The following CYP4Z1 variants were observed in gnomAD, a reference collection of about 807,000 sequenced individuals.
The protein encoded by CYP4Z1 is cytochrome P450 family 4 subfamily Z member 1, also known as cytochrome P450 4Z1.
In CYP4Z1, 41 loss-of-function variants were observed where a neutral mutation model predicts 54.2. That is an observed-to-expected ratio of 0.76 (90% CI 0.59 to 0.98). The LOEUF (loss-of-function observed/expected upper bound fraction) is 0.98. CYP4Z1 is among the 50% of genes least tolerant of loss of function. The pLI, the probability that CYP4Z1 is intolerant of heterozygous loss-of-function variation, is 0.00. For missense variants in CYP4Z1, 513 were observed against 599.0 expected (o/e 0.86, Z 1.50); for synonymous variants, 163 against 206.2 (o/e 0.79, Z 1.79).
At chr1:47,066,698 A>G (rs1384698204), upstream of CYP4Z1, among the ~76,000 whole-genome samples, 1 of 152,102 alleles carries the variant, frequency 6.6e-6, no homozygotes, top group African/African-American at 2.4e-5. Context: ...AGGGCATTCA[A>G]ATTGGTAAAA....
intron 9 of CYP4Z1, among the ~76,000 whole-genome samples, chr1:47,108,211 T>C (rs1644770123): frequency 6.6e-6 from 1 of 152,156 alleles, no homozygotes; most frequent in Non-Finnish European, 1.5e-5. Flanking sequence ...CTTTCCTTCC[T>C]GCCCCTCTCA....
At chr1:47,055,641 G>T in the CYP4Z1 span, among the ~76,000 whole-genome samples, 1 of 152,170 alleles carries the variant, frequency 6.6e-6, no homozygotes, top group African/African-American at 2.4e-5. Context: ...TCCTGGTTTA[G>T]TCTTGGGAGG....
At chr1:47,083,582 G>A (rs1644570671) in intron 4 of CYP4Z1, among the ~76,000 whole-genome samples, 1 of 152,192 alleles carries the variant, frequency 6.6e-6, no homozygotes, top group African/African-American at 2.4e-5. Flanking sequence ...GATGGCTTGA[G>A]CCCAGGAGTT....
chr1:47,110,233 G>A (rs993586003), intron 9 of CYP4Z1, among the ~76,000 whole-genome samples: 7 of 149,704 alleles, frequency 4.7e-5, no homozygotes, highest in Admixed American at 1.3e-4. Flanking sequence ...CCAAAAAAAT[G>A]GGTGTTCCAT....
chr1:47,113,959 T>C (rs1195397232), intron 9 of CYP4Z1, among the ~76,000 whole-genome samples: 1 of 152,212 alleles, frequency 6.6e-6, no homozygotes, highest in East Asian at 1.9e-4. Flanking sequence ...AAAGTTCATA[T>C]GGCACCAAAA....
chr1:47,061,949 A>G, the CYP4Z1 span, among the ~76,000 whole-genome samples: 1 of 152,250 alleles, frequency 6.6e-6, no homozygotes, highest in African/African-American at 2.4e-5. Context: ...TTATCTCAAT[A>G]GATGCAGAAA....
At chr1:47,069,515 G>T (rs1156630073) in intron 2 of CYP4Z1, among the ~76,000 whole-genome samples, 2 of 151,738 alleles carry the variant, frequency 1.3e-5, no homozygotes, top group Non-Finnish European at 2.9e-5. Context: ...AATGGTGCAA[G>T]AAATGTCTGG....
chr1:47,096,024 G>A (rs768701926), intron 7 of CYP4Z1, among the ~76,000 whole-genome samples: 2 of 152,254 alleles, frequency 1.3e-5, no homozygotes, highest in South Asian at 2.1e-4. Context: ...TGTGAAACAC[G>A]ACTCTTCCTA....
the CYP4Z1 span, among the ~76,000 whole-genome samples, chr1:47,057,370 A>ATATATATATATATG: frequency 8.7e-6 from 1 of 114,768 alleles, no homozygotes; most frequent in Non-Finnish European, 1.8e-5. Context: ...ATATATATAT[A>ATATATATATATATG]TATATATGTA....
At chr1:47,063,382 C>A (rs1409562347), upstream of CYP4Z1, among the ~76,000 whole-genome samples, 1 of 151,900 alleles carries the variant, frequency 6.6e-6, no homozygotes, top group Non-Finnish European at 1.5e-5. Context: ...TGGATCCAAA[C>A]TAAGACAAAA....
At chr1:47,062,116 A>G in the CYP4Z1 span, among the ~76,000 whole-genome samples, 1 of 152,212 alleles carries the variant, frequency 6.6e-6, no homozygotes, top group Admixed American at 6.5e-5. Flanking sequence ...CTTGAAAACC[A>G]GCACAAGACA....
At chr1:47,073,471 AG>A (rs2148525637) in intron 2 of CYP4Z1, among the ~76,000 whole-genome samples, 2 of 139,962 alleles carry the variant, frequency 1.4e-5, no homozygotes, top group South Asian at 5.1e-4. Context: ...TCAGTCTCCC[AG>A]GTAGCTGGGA....
chr1:47,057,335 A>AAAAAAAAAAAAAATATATAT, the CYP4Z1 span, among the ~76,000 whole-genome samples: 7 of 28,470 alleles, frequency 2.5e-4, no homozygotes, highest in Admixed American at 5.3e-4. Flanking sequence ...AAGAAAAAAA[A>AAAAAAAAAAAAAATATATAT]ATATATATAT....
intron 2 of CYP4Z1, among the ~76,000 whole-genome samples, chr1:47,073,227 G>A (rs879346645): frequency 1.1e-3 from 130 of 118,844 alleles, no homozygotes; most frequent in Non-Finnish European, 1.8e-3. Context: ...TTTTCACTTA[G>A]CATAATGTTT....
intron 4 of CYP4Z1, among the ~76,000 whole-genome samples, chr1:47,082,922 G>A (rs1644565511): frequency 6.6e-6 from 1 of 151,446 alleles, no homozygotes; most frequent in Non-Finnish European, 1.5e-5. Context: ...GGAGAAAAGG[G>A]AGCTTTAGCT....
At chr1:47,110,271 T>A (rs986785879) in intron 9 of CYP4Z1, among the ~76,000 whole-genome samples, 1 of 150,678 alleles carries the variant, frequency 6.6e-6, no homozygotes, top group Non-Finnish European at 1.5e-5. Context: ...TCACAATCAC[T>A]AAATAGAACA....
intron 7 of CYP4Z1, chr1:47,097,261 T>C (rs1644684806): frequency 6.6e-6 from 1 of 152,236 alleles, no homozygotes; most frequent in Non-Finnish European, 1.5e-5. Context: ...TGAATAGTGC[T>C]GCAGTGAACA....
intron 2 of CYP4Z1, among the ~76,000 whole-genome samples, chr1:47,076,441 A>G: frequency 6.6e-6 from 1 of 151,136 alleles, no homozygotes; most frequent in Non-Finnish European, 1.5e-5. Context: ...CTCATTAAGC[A>G]CTGCTTTTGC....
At chr1:47,060,472 T>C in the CYP4Z1 span, among the ~76,000 whole-genome samples, 2 of 145,394 alleles carry the variant, frequency 1.4e-5, no homozygotes, top group African/African-American at 5.1e-5. Context: ...AAGAAGGGCA[T>C]TACATCAAGG....
Sources: gnomAD v4.1 joint callset for allele counts (sites outside exome capture counted in the v4.1 genomes callset) on GRCh38, gnomAD v4.1.1 for gene constraint, MANE v1.5 for transcripts, NCBI Gene and HGNC (gene_info 2026-07-23, HGNC 2026-07-21) for gene names.